The following CA6 variants were observed in gnomAD, a reference collection of about 807,000 sequenced individuals.
CA6 encodes carbonic anhydrase 6.
A neutral mutation model predicts 35.9 loss-of-function variants in CA6; 28 were observed. The ratio of observed to expected loss-of-function variants is 0.78; its 90% confidence interval spans 0.58 to 1.07. CA6 has a LOEUF of 1.07. Ranked by LOEUF, CA6 falls within the 50% of genes least tolerant of loss-of-function variation. CA6 has a pLI of 0.00. For synonymous variants in CA6, 148 were observed against 152.6 expected (o/e 0.97, Z 0.22); for missense variants, 377 against 382.0 (o/e 0.99, Z 0.11).
chr1:8,968,891 G>A (rs564638160), intron 6 of CA6, among the ~76,000 whole-genome samples: 2 of 151,392 alleles, frequency 1.3e-5, no homozygotes, highest in Non-Finnish European at 2.9e-5. Context: ...GTGGTGGGGC[G>A]CTTGTAATCC....
chr1:8,974,312 G>A (rs779271357), intron 7 of CA6: 3 of 1,355,568 alleles, frequency 2.2e-6, no homozygotes, highest in East Asian at 2.6e-5. Context: ...GACCTCTTGC[G>A]ATTTATTTAC....
chr1:8,956,060 T>TA (rs151311899), intron 2 of CA6, among the ~76,000 whole-genome samples: 10,886 of 151,952 alleles, frequency 0.072, 1,160 homozygotes, highest in African/African-American at 0.23. Context: ...CTGTCTCTAC[T>TA]AAAAATACAA....
intron 4 of CA6, among the ~76,000 whole-genome samples, chr1:8,959,401 A>C (rs1289865613): frequency 1.4e-5 from 2 of 147,012 alleles, no homozygotes; most frequent in Non-Finnish European, 3.0e-5. Flanking sequence ...TGCAATCTCC[A>C]CCTCCCAGGT....
intron 4 of CA6, among the ~76,000 whole-genome samples, chr1:8,960,416 A>C (rs960011274): frequency 1.3e-5 from 2 of 151,870 alleles, no homozygotes; most frequent in African/African-American, 2.4e-5. Context: ...AAAAACAACT[A>C]TCATAAATGT....
At chr1:8,974,421 G>A (rs1640213615) in intron 7 of CA6, 1 of 1,533,598 alleles carries the variant, frequency 6.5e-7, no homozygotes, top group African/African-American at 1.4e-5. Context: ...CCACCCCTTG[G>A]CTCTGGGCAG....
intron 2 of CA6, among the ~76,000 whole-genome samples, chr1:8,955,219 C>T (rs1165984810): frequency 6.6e-6 from 1 of 152,048 alleles, no homozygotes; most frequent in Non-Finnish European, 1.5e-5. Context: ...TACAAATAAA[C>T]TTAAAAATTA....
At chr1:8,973,593 A>C (rs1640163422) in intron 7 of CA6, among the ~76,000 whole-genome samples, 1 of 152,164 alleles carries the variant, frequency 6.6e-6, no homozygotes, top group East Asian at 1.9e-4. Context: ...GTTCAGCATC[A>C]GAGGGCTTCC....
Position 8,974,627 on chromosome 1 carries a change from A to G in CA6, c.850A>G (p.Thr284Ala), listed in dbSNP as rs764238187. The G allele has an allele frequency of 6.1e-5, 97 of 1,602,028 alleles. No individual in the cohort carries two copies. The East Asian group carries it at 1.5e-3, about 25-fold the overall frequency. The stretch of plus-strand genomic sequence containing the variant: ...ACTAACTCTTCTTTTTACAGAATAC[A>G]CTCTAGGCTCTGAATTCCAGTTTTA... Reference protein sequence around the residue: ...VESNFPNQEYTLGSEFQFYLH... With the variant: ...VESNFPNQEYALGSEFQFYLH... Residue 284 changes from threonine to alanine, a missense_variant, in exon 8 of 8, where the codon ACT (threonine) becomes GCT (alanine). By Grantham distance (58) the Thr-to-Ala change is moderately conservative. Coordinates refer to ENST00000377443, the MANE Select transcript of CA6 (RefSeq NM_001215.4).
rs113532929 is a variant in CA6, at chr1:8,960,743, A to AACAC, written c.501+1785_501+1788dup. 2.4e-3 allele frequency among the ~76,000 whole-genome samples: 263 copies of AACAC among 109,028 alleles called. 1 individual carries two copies. Among genetic ancestry groups the AACAC allele is most frequent in the African/African-American group, 7.8e-3 (201 of 25,886 alleles). 71.5% of individuals were successfully genotyped at this position (109,028 alleles called of 152,430 possible). A position where few individuals can be genotyped will look rare whatever the true frequency, so the allele number is the denominator to read the frequency against. On this transcript the variant is annotated intron_variant, in intron 4 of 7. Coordinates refer to ENST00000377443, the MANE Select transcript of CA6 (RefSeq NM_001215.4). Reference sequence around the variant, plus strand: ...TCATGGGGACAAAATCAAGTATAGCAACACACACACACACACACACACACA... The same window carrying AACAC: ...TCATGGGGACAAAATCAAGTATAGCAACACACACACACACACACACACACACACA...
intron 5 of CA6, among the ~76,000 whole-genome samples, chr1:8,967,206 C>T (rs1437750866): frequency 6.6e-6 from 1 of 152,104 alleles, no homozygotes; most frequent in Non-Finnish European, 1.5e-5. Context: ...AGGGCACTTA[C>T]CCAGAAGTCT....
At chr1:8,953,867 T>C (rs1327870358) in intron 2 of CA6, among the ~76,000 whole-genome samples, 1 of 152,122 alleles carries the variant, frequency 6.6e-6, no homozygotes, top group African/African-American at 2.4e-5. Flanking sequence ...TGGCACAAGA[T>C]ACAGGTCATA....
intron 3 of CA6, among the ~76,000 whole-genome samples, chr1:8,957,940 AAAACAAAC>A (rs368033554): frequency 6.6e-6 from 1 of 152,176 alleles, no homozygotes; most frequent in African/African-American, 2.4e-5. Context: ...TCTGAGCAAC[AAAACAAAC>A]AAACAAAAAC....
At chr1:8,964,924 A>G (rs1406635034) in intron 5 of CA6, among the ~76,000 whole-genome samples, 2 of 152,068 alleles carry the variant, frequency 1.3e-5, no homozygotes, top group African/African-American at 4.8e-5. Context: ...CAGTGACTCC[A>G]CGCAGTCCCA....
intron 4 of CA6, 36 bp downstream of exon 4, chr1:8,959,038 A>G: frequency 7.9e-7 from 1 of 1,268,604 alleles, no homozygotes; most frequent in Non-Finnish European, 1.2e-6. Context: ...CTGTATTTGA[A>G]GTTATAGGTT....
chr1:8,946,080 CAGGCTTG>C, intron 1 of CA6, 115 bp downstream of exon 1: 1 of 689,180 alleles, frequency 1.5e-6, no homozygotes, highest in South Asian at 1.8e-5. Flanking sequence ...CTCTGTTGCC[CAGGCTTG>C]AGTACAGTAG....
intron 7 of CA6, among the ~76,000 whole-genome samples, chr1:8,971,600 C>G (rs536568988): frequency 1.3e-5 from 2 of 152,234 alleles, no homozygotes; most frequent in Admixed American, 6.5e-5. Context: ...CGGGAGCCAC[C>G]GTGCCTGGCC....
chr1:8,961,832 C>T (rs556951288), intron 4 of CA6, among the ~76,000 whole-genome samples: 14 of 152,300 alleles, frequency 9.2e-5, no homozygotes, highest in African/African-American at 3.4e-4. Context: ...GAATTGTAGT[C>T]GTTCTGCCTT....
At chr1:8,945,996 GT>G in intron 1 of CA6, 31 bp downstream of exon 1, 1 of 1,416,604 alleles carries the variant, frequency 7.1e-7, no homozygotes, top group Non-Finnish European at 1.0e-6. Flanking sequence ...TGCTCCCCCA[GT>G]TACCCTCACA....
At chr1:8,961,403 A>G (rs1251502514) in intron 4 of CA6, among the ~76,000 whole-genome samples, 1 of 152,242 alleles carries the variant, frequency 6.6e-6, no homozygotes, top group African/African-American at 2.4e-5. Context: ...GATATAATGC[A>G]TATGACAAAA....
Sources: gnomAD v4.1 joint callset for allele counts (sites outside exome capture counted in the v4.1 genomes callset) on GRCh38, gnomAD v4.1.1 for gene constraint, MANE v1.5 for transcripts, NCBI Gene and HGNC (gene_info 2026-07-23, HGNC 2026-07-21) for gene names.